The following GRID1 variants were observed in gnomAD, a reference collection of about 807,000 sequenced individuals.
GRID1 encodes the protein glutamate receptor ionotropic, delta-1.
In GRID1, 28 loss-of-function variants were observed where a neutral mutation model predicts 98.0. The observed-to-expected ratio is 0.29, with a 90% CI of 0.21 to 0.39. The LOEUF is 0.39. Among genes scored for constraint, GRID1 ranks in the 10% least tolerant of loss-of-function variants. GRID1 has a pLI of 1.00. For synonymous variants in GRID1, 553 were observed against 538.5 expected (o/e 1.03, Z -0.37); for missense variants, 1,111 against 1,340.5 (o/e 0.83, Z 2.67).
At chr10:86,304,871 T>C (rs1847738182) in intron 2 of GRID1, among the ~76,000 whole-genome samples, 1 of 152,096 alleles carries the variant, frequency 6.6e-6, no homozygotes, top group Non-Finnish European at 1.5e-5. Context: ...CCTCTTGGTC[T>C]ACATCTGGGT....
intron 4 of GRID1, among the ~76,000 whole-genome samples, chr10:85,957,533 G>C (rs999603112): frequency 2.6e-5 from 4 of 152,152 alleles, no homozygotes; most frequent in Non-Finnish European, 5.9e-5. Flanking sequence ...CTACACATAA[G>C]GGCAAGATGG....
intron 4 of GRID1, among the ~76,000 whole-genome samples, chr10:86,083,930 A>G (rs1007970254): frequency 7.2e-5 from 11 of 152,210 alleles, no homozygotes; most frequent in African/African-American, 2.7e-4. Context: ...CCACACCCAC[A>G]AAAAGCTTTC....
intron 2 of GRID1, among the ~76,000 whole-genome samples, chr10:86,327,403 T>C (rs1282249743): frequency 6.6e-6 from 1 of 152,126 alleles, no homozygotes; most frequent in Non-Finnish European, 1.5e-5. Flanking sequence ...GACAACAGCA[T>C]CTTAAAGAAT....
chr10:85,614,548 G>A (rs1033706637), intron 14 of GRID1, among the ~76,000 whole-genome samples: 1 of 152,052 alleles, frequency 6.6e-6, no homozygotes, highest in Non-Finnish European at 1.5e-5. Flanking sequence ...GTCATTATGA[G>A]GCTGCCAGGG....
At chr10:85,871,598 T>C (rs1172813435) in intron 5 of GRID1, among the ~76,000 whole-genome samples, 2 of 152,254 alleles carry the variant, frequency 1.3e-5, no homozygotes, top group Non-Finnish European at 2.9e-5. Context: ...TGTGACACAT[T>C]CTAGCTTTGA....
chr10:85,694,548 GTGTATATATATATATATATATATA>G (rs1159422302), intron 12 of GRID1, among the ~76,000 whole-genome samples: 19 of 70,754 alleles, frequency 2.7e-4, no homozygotes, highest in Admixed American at 2.2e-3. Flanking sequence ...AAAATGTGGT[GTGTATATATATATATATATATATA>G]TATATATATA....
At chr10:86,323,155 C>A (rs1288421175) in intron 2 of GRID1, among the ~76,000 whole-genome samples, 1 of 152,138 alleles carries the variant, frequency 6.6e-6, no homozygotes, top group Non-Finnish European at 1.5e-5. Flanking sequence ...TCCCAGAAAA[C>A]AACACAGCCT....
intron 12 of GRID1, among the ~76,000 whole-genome samples, chr10:85,672,913 G>A (rs1225896779): frequency 6.6e-6 from 1 of 152,206 alleles, no homozygotes; most frequent in African/African-American, 2.4e-5. Context: ...GGCTGTAGCT[G>A]CCATAGATAG....
At chr10:85,895,296 T>A (rs2131812060) in intron 5 of GRID1, among the ~76,000 whole-genome samples, 1 of 151,920 alleles carries the variant, frequency 6.6e-6, no homozygotes, top group East Asian at 1.9e-4. Flanking sequence ...TCCTACCCCT[T>A]CTCATCCCAA....
intron 8 of GRID1, among the ~76,000 whole-genome samples, chr10:85,797,983 A>G (rs1425076738): frequency 6.6e-6 from 1 of 152,208 alleles, no homozygotes; most frequent in African/African-American, 2.4e-5. Context: ...ATTCCACAGT[A>G]TATACATATA....
At chr10:86,100,484 C>A (rs1844281639) in intron 4 of GRID1, among the ~76,000 whole-genome samples, 1 of 151,766 alleles carries the variant, frequency 6.6e-6, no homozygotes, top group South Asian at 2.1e-4. Context: ...AGAAACTAAA[C>A]AAGATTAATC....
rs113048860 is a variant in GRID1 at position 85,867,750 on chromosome 10, A to T, written c.951+1260T>A. The stretch of plus-strand genomic sequence containing the variant: ...CTTGGCCACCCCTCCACCGCCTTAG[A>T]AAGACCCCAGACACTCTGGTGGGCT... On this transcript the variant is annotated intron_variant, in intron 6 of 15. Coordinates refer to ENST00000327946, the MANE Select transcript of GRID1 (RefSeq NM_017551.3). 3.3e-3 allele frequency among the ~76,000 whole-genome samples: 497 copies of T among 152,298 alleles called. 2 individuals carry two copies. Among genetic ancestry groups the T allele is most frequent in the African/African-American group, 0.011 (468 of 41,560 alleles).
intron 8 of GRID1, among the ~76,000 whole-genome samples, chr10:85,828,843 G>A (rs1049117501): frequency 1.3e-5 from 2 of 152,078 alleles, no homozygotes; most frequent in Non-Finnish European, 2.9e-5. Flanking sequence ...AAAAGCCCAG[G>A]ACTAGATGGA....
intron 5 of GRID1, among the ~76,000 whole-genome samples, chr10:85,886,462 C>T (rs903873389): frequency 6.6e-6 from 1 of 152,186 alleles, no homozygotes; most frequent in African/African-American, 2.4e-5. Context: ...TTCACACTCT[C>T]ATGGGACTTG....
At chr10:85,955,852 G>C (rs976619289) in intron 4 of GRID1, among the ~76,000 whole-genome samples, 1 of 152,140 alleles carries the variant, frequency 6.6e-6, no homozygotes, top group Non-Finnish European at 1.5e-5. Context: ...TTCCCCTTCT[G>C]ACCCCTGAGG....
chr10:85,983,130 G>A (rs1254357853), intron 4 of GRID1, among the ~76,000 whole-genome samples: 1 of 152,182 alleles, frequency 6.6e-6, no homozygotes, highest in Non-Finnish European at 1.5e-5. Context: ...TCTCTGCCGG[G>A]GAAGCAGGTG....
At chr10:86,248,630 C>T (rs1472123916) in intron 2 of GRID1, among the ~76,000 whole-genome samples, 7 of 145,018 alleles carry the variant, frequency 4.8e-5, no homozygotes, top group South Asian at 2.2e-4. Context: ...CTGGCTGCAG[C>T]GGCACAATCT....
chr10:85,981,237 C>G (rs1240231953), intron 4 of GRID1, among the ~76,000 whole-genome samples: 1 of 152,214 alleles, frequency 6.6e-6, no homozygotes, highest in Non-Finnish European at 1.5e-5. Context: ...CAGGTCTAAC[C>G]CACACCTCTT....
chr10:85,666,495 C>T (rs1183005141), intron 12 of GRID1, among the ~76,000 whole-genome samples: 1 of 152,188 alleles, frequency 6.6e-6, no homozygotes, highest in Non-Finnish European at 1.5e-5. Context: ...CCAGCGGGGG[C>T]AGGTACCTGC....
Sources: allele counts gnomAD v4.1 joint callset (sites outside exome capture counted in the v4.1 genomes callset), GRCh38; gene constraint gnomAD v4.1.1; transcripts MANE v1.5; gene names NCBI Gene and HGNC (gene_info 2026-07-23, HGNC 2026-07-21).